Variants in RBFOX1 observed in about 807,000 individuals in gnomAD.
RBFOX1 encodes RNA binding protein fox-1 homolog 1.
RBFOX1 carries 8 observed loss-of-function variants against 57.7 expected under a neutral mutation model. The ratio of observed to expected loss-of-function variants is 0.14; its 90% CI spans 0.08 to 0.25. The LOEUF is 0.25. RBFOX1 is among the 10% of genes least tolerant of loss of function. The pLI, the probability that RBFOX1 is intolerant of heterozygous loss-of-function variation, is 1.00. For synonymous variants in RBFOX1, 326 were observed against 222.4 expected (o/e 1.47, Z -4.15); for missense variants, 611 against 548.5 (o/e 1.11, Z -1.14).
intron 2 of RBFOX1, among the ~76,000 whole-genome samples, chr16:6,370,282 C>T (rs1190912966): frequency 7.1e-6 from 1 of 141,808 alleles, no homozygotes; most frequent in African/African-American, 2.6e-5. Flanking sequence ...AGTGTGAACT[C>T]AGGAGGCGGA....
At chr16:6,835,520 G>A (rs1041985663) in intron 3 of RBFOX1, among the ~76,000 whole-genome samples, 1 of 151,972 alleles carries the variant, frequency 6.6e-6, no homozygotes, top group Non-Finnish European at 1.5e-5. Context: ...GGGAGTCCAA[G>A]GTGGGAAGAT....
At chr16:7,212,838 CA>C (rs1460167976) in intron 4 of RBFOX1, among the ~76,000 whole-genome samples, 1 of 152,010 alleles carries the variant, frequency 6.6e-6, no homozygotes, top group Non-Finnish European at 1.5e-5. Context: ...AGAGTAAAAT[CA>C]AAAAATAAAA....
At chr16:6,695,549 C>G (rs535462198) in intron 3 of RBFOX1, among the ~76,000 whole-genome samples, 1 of 151,906 alleles carries the variant, frequency 6.6e-6, no homozygotes, top group East Asian at 1.9e-4. Flanking sequence ...GTGGCCGACG[C>G]GCCTATTATG....
chr16:7,186,682 C>G (rs12447196), intron 4 of RBFOX1, among the ~76,000 whole-genome samples: 1 of 145,522 alleles, frequency 6.9e-6, no homozygotes, highest in Non-Finnish European at 1.5e-5. Context: ...TACATACTTA[C>G]GTCTTTAAAT....
intron 1 of RBFOX1, among the ~76,000 whole-genome samples, chr16:5,343,829 GT>G (rs2151300343): frequency 6.6e-6 from 1 of 152,314 alleles, no homozygotes; most frequent in Non-Finnish European, 1.5e-5. Context: ...GTATTCTGGA[GT>G]GATAACCTTT....
rs538050088 is a variant in RBFOX1 at position 7,709,102 on chromosome 16, C to G, written c.1042C>G (p.Pro348Ala). The G allele has an allele frequency of 1.6e-5, 26 of 1,613,582 alleles. No homozygotes were observed. Among genetic ancestry groups the G allele is most frequent in the South Asian group, 4.4e-5 (4 of 90,962 alleles). The change falls in exon 15 of 16, where the codon CCA (proline) becomes GCA (alanine). Residue 348 changes from proline (P) to alanine (A), a missense_variant. Physicochemically the swap from Pro to Ala is conservative, Grantham distance 27 (BLOSUM62 -1). Coordinates refer to ENST00000550418, the MANE Select transcript of RBFOX1 (RefSeq NM_018723.4). Reference protein sequence around the residue: ...AADPYHHALAPAPTYGVGAMN... With the variant: ...AADPYHHALAAAPTYGVGAMN... ...CGACCCCTACCACCACGCACTTGCT[C>G]CAGCCCCCACCTACGGCGTTGGTGC...
At chr16:6,093,221 A>G (rs2096201368) in intron 1 of RBFOX1, among the ~76,000 whole-genome samples, 1 of 152,162 alleles carries the variant, frequency 6.6e-6, no homozygotes, top group African/African-American at 2.4e-5. Flanking sequence ...TTAGGATTTT[A>G]ATATATACTA....
At chr16:7,134,925 T>C (rs186903701) in intron 4 of RBFOX1, among the ~76,000 whole-genome samples, 31 of 151,740 alleles carry the variant, frequency 2.0e-4, no homozygotes, top group Non-Finnish European at 1.2e-4. Flanking sequence ...GTTGAATTTA[T>C]CTTTTTTTTT....
intron 1 of RBFOX1, among the ~76,000 whole-genome samples, chr16:6,118,843 C>A (rs1475288358): frequency 6.6e-6 from 1 of 151,148 alleles, no homozygotes; most frequent in East Asian, 1.9e-4. Flanking sequence ...TCTCTTTCCC[C>A]ATCTTCTTCA....
intron 3 of RBFOX1, among the ~76,000 whole-genome samples, chr16:6,819,779 CAAAG>C (rs945162432): frequency 7.1e-6 from 1 of 140,246 alleles, no homozygotes; most frequent in African/African-American, 2.7e-5. Context: ...AAATCTATTT[CAAAG>C]AAAGGAACTT....
chr16:5,685,417 C>T (rs968931559), intron 3 of RBFOX1, among the ~76,000 whole-genome samples: 1 of 152,162 alleles, frequency 6.6e-6, no homozygotes, highest in Non-Finnish European at 1.5e-5. Flanking sequence ...TAAGGTTTTG[C>T]CTTAAATCCA....
intron 2 of RBFOX1, among the ~76,000 whole-genome samples, chr16:5,559,110 C>G (rs895179202): frequency 7.4e-6 from 1 of 135,374 alleles, no homozygotes; most frequent in Non-Finnish European, 1.5e-5. Context: ...CAGTTTTTGT[C>G]TTGCTCCTCC....
intron 1 of RBFOX1, among the ~76,000 whole-genome samples, chr16:6,148,724 G>A (rs1023993905): frequency 6.6e-6 from 1 of 152,180 alleles, no homozygotes; most frequent in African/African-American, 2.4e-5. Context: ...CCAGAGTAAA[G>A]TTCATTTGCC....
At chr16:7,604,704 T>A (rs1246792181) in intron 9 of RBFOX1, among the ~76,000 whole-genome samples, 1 of 152,150 alleles carries the variant, frequency 6.6e-6, no homozygotes, top group Non-Finnish European at 1.5e-5. Flanking sequence ...CTCTGAGAGA[T>A]CTGGAATTTT....
intron 2 of RBFOX1, among the ~76,000 whole-genome samples, chr16:6,544,238 A>C (rs939420533): frequency 2.6e-5 from 4 of 152,210 alleles, no homozygotes; most frequent in Admixed American, 6.5e-5. Flanking sequence ...TGGTGGGGAA[A>C]GAGGTACTTC....
At chr16:5,409,324 C>T (rs1297242286) in intron 1 of RBFOX1, among the ~76,000 whole-genome samples, 1 of 152,218 alleles carries the variant, frequency 6.6e-6, no homozygotes, top group African/African-American at 2.4e-5. Flanking sequence ...TCCTAGAGCT[C>T]ACTGACCTCC....
At chr16:6,624,715 G>T (rs879517754) in intron 2 of RBFOX1, among the ~76,000 whole-genome samples, 5 of 152,074 alleles carry the variant, frequency 3.3e-5, no homozygotes, top group Admixed American at 3.3e-4. Context: ...GTAAAACAAA[G>T]AAAGAAGAAG....
At chr16:7,046,855 C>T (rs2048146975) in intron 3 of RBFOX1, among the ~76,000 whole-genome samples, 1 of 151,976 alleles carries the variant, frequency 6.6e-6, no homozygotes, top group African/African-American at 2.4e-5. Context: ...ATCTGCGAGC[C>T]TCGGTCTTTC....
At chr16:6,521,022 A>G (rs1249306251) in intron 2 of RBFOX1, among the ~76,000 whole-genome samples, 2 of 152,192 alleles carry the variant, frequency 1.3e-5, no homozygotes, top group Non-Finnish European at 2.9e-5. Flanking sequence ...GTCAATTTAT[A>G]TCAAAACCTT....
Sources: gnomAD v4.1 joint callset for allele counts (sites outside exome capture counted in the v4.1 genomes callset) on GRCh38, gnomAD v4.1.1 for gene constraint, MANE v1.5 for transcripts, NCBI Gene and HGNC (gene_info 2026-07-23, HGNC 2026-07-21) for gene names.